The following COLGALT2 variants were observed in gnomAD, a reference collection of about 807,000 sequenced individuals.
COLGALT2 encodes the protein procollagen galactosyltransferase 2.
COLGALT2 carries 49 observed loss-of-function variants against 73.4 expected under a neutral mutation model. The observed-to-expected ratio is 0.67, with a 90% CI of 0.53 to 0.85. The LOEUF is 0.85. COLGALT2 is among the 40% of genes least tolerant of loss of function. COLGALT2 has a pLI of 0.00. For synonymous variants in COLGALT2, 295 were observed against 307.6 expected, an observed-to-expected ratio of 0.96 and a Z score of 0.43; for missense variants, 722 against 790.2, an observed-to-expected ratio of 0.91 and a Z score of 1.03.
rs145997089 is a variant in COLGALT2, at chr1:183,988,103, T to C, written c.264-9583A>G. On this transcript the variant is annotated intron_variant, in intron 1 of 11. Coordinates refer to ENST00000361927, the MANE Select transcript of COLGALT2 (RefSeq NM_015101.4). Reference sequence around the variant, plus strand: ...CTGGGAGGACAGCAATACTATCACTTTGCTGCTTTCACAAAACAGAAAACA... The same window carrying C: ...CTGGGAGGACAGCAATACTATCACTCTGCTGCTTTCACAAAACAGAAAACA... Among the ~76,000 whole-genome samples, 82 of 152,302 alleles carry C rather than the reference T, an allele frequency of 5.4e-4. No individual in the cohort carries two copies. In the East Asian group the frequency reaches 0.014, roughly 27 times the overall value.
intron 7 of COLGALT2, among the ~76,000 whole-genome samples, chr1:183,953,481 C>T (rs988431590): frequency 2.0e-5 from 3 of 152,056 alleles, no homozygotes; most frequent in African/African-American, 7.2e-5. Context: ...TGGTTTGGTC[C>T]TCATAGGAAT....
intron 4 of COLGALT2, among the ~76,000 whole-genome samples, chr1:183,970,183 C>T (rs1412149563): frequency 6.6e-6 from 1 of 152,208 alleles, no homozygotes; most frequent in African/African-American, 2.4e-5. Flanking sequence ...GGGGATTCAG[C>T]TTCTGAAACG....
intron 1 of COLGALT2, among the ~76,000 whole-genome samples, chr1:184,008,433 A>T (rs1672140160): frequency 1.3e-5 from 2 of 152,238 alleles, no homozygotes; most frequent in South Asian, 2.1e-4. Flanking sequence ...ATTGTAGATG[A>T]AAGTATTGTA....
intron 1 of COLGALT2, among the ~76,000 whole-genome samples, chr1:184,011,563 G>A (rs887329705): frequency 2.0e-5 from 3 of 152,154 alleles, no homozygotes; most frequent in Non-Finnish European, 4.4e-5. Context: ...CAGACAGTAG[G>A]TGCAAACCCG....
chr1:183,989,797 G>A (rs1671583685), intron 1 of COLGALT2, among the ~76,000 whole-genome samples: 1 of 152,144 alleles, frequency 6.6e-6, no homozygotes. Flanking sequence ...AACTCTCTGT[G>A]CTTTGTTTTT....
chr1:184,032,397 T>C (rs1010517409), intron 1 of COLGALT2, among the ~76,000 whole-genome samples: 1 of 152,238 alleles, frequency 6.6e-6, no homozygotes, highest in South Asian at 2.1e-4. Context: ...CCTTATATCA[T>C]TTACTTGTAA....
rs1353486422 is a variant in COLGALT2 at position 183,954,648 on chromosome 1, G to A, written c.1029+114C>T. 4 of 716,610 alleles carry A rather than the reference G, an allele frequency of 5.6e-6. No homozygotes were observed. In the Admixed American group the frequency reaches 1.0e-4, roughly 18 times the overall value. 44.4% of individuals were successfully genotyped at this position (716,610 alleles called of 1,614,324 possible). ...TTCCCAAGACCTCAGAGCCATTTCA[G>A]CAGCCAAGCCAGTCTTGCTGGCTCT... On this transcript the variant is annotated intron_variant, in intron 7 of 11. Coordinates refer to ENST00000361927, the MANE Select transcript of COLGALT2 (RefSeq NM_015101.4).
At chr1:183,994,656 C>T (rs10911483) in intron 1 of COLGALT2, among the ~76,000 whole-genome samples, 12,328 of 151,972 alleles carry the variant, frequency 0.081, 845 homozygotes, top group East Asian at 0.41. Context: ...GGTTTCACCA[C>T]GTTGGCCAGG....
intron 1 of COLGALT2, among the ~76,000 whole-genome samples, chr1:183,990,035 A>G (rs1244651747): frequency 6.6e-6 from 1 of 152,204 alleles, no homozygotes; most frequent in Non-Finnish European, 1.5e-5. Context: ...ATTTAAGACA[A>G]ACAAACTAGA....
At chr1:183,959,063 G>C (rs1430033462) in intron 6 of COLGALT2, among the ~76,000 whole-genome samples, 1 of 151,988 alleles carries the variant, frequency 6.6e-6, no homozygotes, top group African/African-American at 2.4e-5. Flanking sequence ...GGTCATCACA[G>C]ACCTCTCTCT....
At chr1:184,035,039 G>T (rs1026276592) in intron 1 of COLGALT2, among the ~76,000 whole-genome samples, 1 of 152,186 alleles carries the variant, frequency 6.6e-6, no homozygotes, top group Non-Finnish European at 1.5e-5. Context: ...AATGACTGAC[G>T]CAAGCATGGC....
intron 1 of COLGALT2, among the ~76,000 whole-genome samples, chr1:184,010,339 C>T (rs1256213215): frequency 6.6e-6 from 1 of 152,174 alleles, no homozygotes; most frequent in Non-Finnish European, 1.5e-5. Flanking sequence ...CCCACAGGCA[C>T]CTAGTTTAGG....
chr1:183,932,751 C>G (rs572281782), downstream of COLGALT2, among the ~76,000 whole-genome samples: 1 of 152,290 alleles, frequency 6.6e-6, no homozygotes, highest in South Asian at 2.1e-4. Flanking sequence ...ACAGGAGAGG[C>G]TGGCTGATGT....
rs1670011170 is a variant in COLGALT2, at chr1:183,938,200, T to C, written c.*561A>G. 1 of 984,770 alleles carries C rather than the reference T, an allele frequency of 1.0e-6. No homozygotes were observed. Among genetic ancestry groups the C allele is most frequent in the Admixed American group, 6.1e-5 (1 of 16,514 alleles). 61.0% of individuals were successfully genotyped at this position (984,770 alleles called of 1,614,324 possible). A position where few individuals can be genotyped will look rare whatever the true frequency, so the allele number is the denominator to read the frequency against. ...CTACTGGATAACAGGGACTAAGATT[T>C]TTTTTTTTTAAAAAATCTACTTTTC... On this transcript the variant is annotated 3_prime_UTR_variant, in exon 12 of 12. Coordinates refer to ENST00000361927, the MANE Select transcript of COLGALT2 (RefSeq NM_015101.4).
In COLGALT2 at chr1:183,940,796, A is replaced by C. The variant is rs1172037394; in HGVS notation, c.1398-9T>G. 5 of 1,612,946 alleles carry C rather than the reference A, an allele frequency of 3.1e-6. No individual in the cohort carries two copies. The Admixed American group carries it at 8.3e-5, about 27-fold the overall frequency. Reference sequence around the variant, plus strand: ...TCTTCCTACCAATATAACTGTAAGGAAATGGCAGAGGAGAAAAATTCCACC... The same window carrying C: ...TCTTCCTACCAATATAACTGTAAGGCAATGGCAGAGGAGAAAAATTCCACC... On this transcript the variant is annotated splice_polypyrimidine_tract_variant and intron_variant, in intron 10 of 11. Transcript: ENST00000361927.
intron 11 of COLGALT2, among the ~76,000 whole-genome samples, chr1:183,930,569 C>CTTTTTTTTTCT (rs1669823214): frequency 8.8e-6 from 1 of 114,066 alleles, no homozygotes; most frequent in Non-Finnish European, 1.7e-5. Flanking sequence ...TTTTCTTTTT[C>CTTTTTTTTTCT]TTTTTTTTTT....
At chr1:183,935,442 A>G (rs1213793063), downstream of COLGALT2, among the ~76,000 whole-genome samples, 2 of 152,092 alleles carry the variant, frequency 1.3e-5, no homozygotes, top group Non-Finnish European at 2.9e-5. Context: ...ATCAACAAGG[A>G]TTTTCTTTTT....
At chr1:183,977,841 G>GAA (rs1671245753) in intron 2 of COLGALT2, among the ~76,000 whole-genome samples, 10 of 134,170 alleles carry the variant, frequency 7.5e-5, no homozygotes, top group African/African-American at 2.7e-4. Flanking sequence ...AGAGAAAGAA[G>GAA]AGAAGAGAAG....
intron 6 of COLGALT2, among the ~76,000 whole-genome samples, chr1:183,962,860 C>T (rs367581888): frequency 9.8e-5 from 15 of 152,304 alleles, no homozygotes; most frequent in South Asian, 6.2e-4. Flanking sequence ...TCTTTTTGAG[C>T]GTGCCTGTCC....
Sources: allele counts gnomAD v4.1 joint callset (sites outside exome capture counted in the v4.1 genomes callset), GRCh38; gene constraint gnomAD v4.1.1; transcripts MANE v1.5; gene names NCBI Gene and HGNC (gene_info 2026-07-23, HGNC 2026-07-21).